The following EFR3B variants were observed in gnomAD, a reference collection of about 807,000 sequenced individuals.
The protein encoded by EFR3B is EFR3 homolog B, also known as protein EFR3 homolog B.
EFR3B carries 64 observed loss-of-function variants against 104.7 expected under a neutral mutation model. The observed-to-expected ratio is 0.61, with a 90% confidence interval of 0.50 to 0.75. The LOEUF (loss-of-function observed/expected upper bound fraction) is 0.75, where lower values mean the gene tolerates loss of function less well. Ranked by LOEUF, EFR3B falls within the 30% of genes least tolerant of loss-of-function variation. The probability of loss-of-function intolerance (pLI) is 0.00; values close to 1 mark genes in which losing one functional copy is unlikely to be tolerated. For missense variants in EFR3B, 750 were observed against 1,078.5 expected, an observed-to-expected ratio of 0.70 and a Z score of 4.27; for synonymous variants, 385 against 417.9, an observed-to-expected ratio of 0.92 and a Z score of 0.96.
intron 1 of EFR3B, among the ~76,000 whole-genome samples, chr2:25,085,508 A>C (rs1350781386): frequency 6.6e-6 from 1 of 152,156 alleles, no homozygotes; most frequent in Non-Finnish European, 1.5e-5. Flanking sequence ...TCTGTTGCCC[A>C]GGCTGGAGTG....
intron 3 of EFR3B, 61 bp from the exon 4 acceptor site, chr2:25,103,576 C>T (rs930926032): frequency 6.6e-7 from 1 of 1,517,780 alleles, no homozygotes; most frequent in African/African-American, 1.4e-5. Flanking sequence ...CCTTGCATGC[C>T]CTGGTTGGGC....
chr2:25,088,430 C>G (rs1669019981), intron 1 of EFR3B, among the ~76,000 whole-genome samples: 1 of 152,082 alleles, frequency 6.6e-6, no homozygotes, highest in African/African-American at 2.4e-5. Context: ...ACTCTTAGGC[C>G]TTTGGATGTC....
In EFR3B at chr2:25,042,496, G is replaced by C. The variant is rs1416128410; in HGVS notation, c.7+177G>C. The stretch of plus-strand genomic sequence containing the variant: ...GCGTCTGCGCTGCGAGGACAAAGAT[G>C]CCTCGGGCCGGGGACCCTGGGGTCC... On this transcript the variant is annotated intron_variant, in intron 1 of 22. Coordinates refer to ENST00000403714, the MANE Select transcript of EFR3B (RefSeq NM_014971.2). The surrounding 1 kb of genome is among the most constrained non-coding windows in gnomAD (Gnocchi z 5.4). 1.3e-5 allele frequency: 16 copies of C among 1,207,084 alleles called. No homozygotes were observed. The South Asian group carries it at 4.7e-4, about 36-fold the overall frequency. The allele number at this position is 1,207,084 out of a possible 1,614,324, so 74.8% of individuals were successfully genotyped here.
At chr2:25,089,020 CTG>C (rs543927550) in intron 1 of EFR3B, among the ~76,000 whole-genome samples, 103 of 152,274 alleles carry the variant, frequency 6.8e-4, no homozygotes, top group Non-Finnish European at 9.0e-4. Flanking sequence ...CTGGAGGCCT[CTG>C]TGCTGGGGAA....
intron 4 of EFR3B, among the ~76,000 whole-genome samples, chr2:25,108,979 C>G (rs564297361): frequency 1.3e-5 from 2 of 151,768 alleles, no homozygotes; most frequent in African/African-American, 4.8e-5. Context: ...GCACTCCAGC[C>G]TGGATGACAA....
chr2:25,144,955 C>T lies in EFR3B; in HGVS notation c.2051-5C>T, dbSNP rs1411408929. 4 of 1,551,404 alleles carry T rather than the reference C, an allele frequency of 2.6e-6. No homozygotes were observed. In the South Asian group the frequency reaches 4.8e-5, roughly 18 times the overall value. On this transcript the variant is annotated splice_polypyrimidine_tract_variant and splice_region_variant and intron_variant, in intron 18 of 22. Transcript: ENST00000403714. Reference sequence around the variant, plus strand: ...ACTAAAGCCTCTGGGCTGCTTCTTCCCCAGATGAGGATCGTTTATCCAAGA... The same window carrying T: ...ACTAAAGCCTCTGGGCTGCTTCTTCTCCAGATGAGGATCGTTTATCCAAGA...
chr2:25,141,484 A>AGCAGGT, intron 17 of EFR3B, 51 bp downstream of exon 17: 1 of 1,544,448 alleles, frequency 6.5e-7, no homozygotes, highest in Non-Finnish European at 8.7e-7. Context: ...CAGCTGAGTA[A>AGCAGGT]GCAGGTGGGT....
At chr2:25,120,190 A>T (rs545092778) in intron 4 of EFR3B, among the ~76,000 whole-genome samples, 296 of 146,346 alleles carry the variant, frequency 2.0e-3, no homozygotes, top group Non-Finnish European at 3.3e-3. Flanking sequence ...CGCTGTCTCT[A>T]CAAAAAAAAA....
intron 1 of EFR3B, among the ~76,000 whole-genome samples, chr2:25,061,531 T>C (rs1459551042): frequency 6.6e-6 from 1 of 152,060 alleles, no homozygotes; most frequent in Non-Finnish European, 1.5e-5. Flanking sequence ...TCTCCCTCTG[T>C]TGCCCAGGCT....
At chr2:25,123,701 A>G (rs1020553416) in intron 5 of EFR3B, among the ~76,000 whole-genome samples, 2 of 152,260 alleles carry the variant, frequency 1.3e-5, no homozygotes, top group Admixed American at 6.5e-5. Context: ...GACCATGGCC[A>G]CATATGTCTG....
chr2:25,124,316 G>C (rs1333792873), intron 5 of EFR3B, among the ~76,000 whole-genome samples: 2 of 144,548 alleles, frequency 1.4e-5, no homozygotes, highest in Non-Finnish European at 3.0e-5. Flanking sequence ...GTGTGTGTGT[G>C]TGTGTGTGTG....
At chr2:25,115,868 C>T (rs1264111694) in intron 4 of EFR3B, 2 of 152,250 alleles carry the variant, frequency 1.3e-5, no homozygotes, top group Non-Finnish European at 2.9e-5. Flanking sequence ...TGGGCCTGGC[C>T]TCGCCATTCC....
chr2:25,080,334 G>C (rs182316801), intron 1 of EFR3B: 38 of 572,852 alleles, frequency 6.6e-5, no homozygotes, highest in African/African-American at 2.5e-4. Flanking sequence ...TGCTCTTGTC[G>C]TCCAGGCTGG....
intron 2 of EFR3B, among the ~76,000 whole-genome samples, chr2:25,092,443 C>CACAT (rs201381425): frequency 0.35 from 52,905 of 150,652 alleles, 10,986 homozygotes; most frequent in Admixed American, 0.49. Flanking sequence ...CACACACACA[C>CACAT]GGTATATATA....
intron 20 of EFR3B, among the ~76,000 whole-genome samples, chr2:25,150,886 C>CATGT (rs1029169118): frequency 6.6e-6 from 1 of 152,060 alleles, no homozygotes; most frequent in Non-Finnish European, 1.5e-5. Context: ...GCTGGGCTTA[C>CATGT]AGGCATAACC....
At chr2:25,054,610 T>C (rs1667970233) in intron 1 of EFR3B, among the ~76,000 whole-genome samples, 1 of 152,192 alleles carries the variant, frequency 6.6e-6, no homozygotes, top group Non-Finnish European at 1.5e-5. Context: ...ACCTGACCCA[T>C]GCAAGTAATT....
intron 12 of EFR3B, among the ~76,000 whole-genome samples, chr2:25,133,898 CA>C (rs1005701666): frequency 3.3e-5 from 5 of 152,224 alleles, no homozygotes; most frequent in African/African-American, 1.2e-4. Context: ...TTGCAGCCAT[CA>C]CTGGAGTCTA....
Position 25,086,965 on chromosome 2 carries a change from C to T in EFR3B, c.8-4360C>T, listed in dbSNP as rs137977888. On this transcript the variant is annotated intron_variant, in intron 1 of 22. Transcript: ENST00000403714. ...TATTAGTCCATTCTCATGCTGTGAA[C>T]GAAGACATACCTGAGACTGCGTAAT... 5.3e-5 allele frequency among the ~76,000 whole-genome samples: 8 copies of T among 152,240 alleles called. No homozygotes were observed. The East Asian group carries it at 5.8e-4, about 11-fold the overall frequency.
intron 3 of EFR3B, among the ~76,000 whole-genome samples, chr2:25,101,918 C>CA (rs1398945932): frequency 6.6e-6 from 1 of 152,074 alleles, no homozygotes; most frequent in Non-Finnish European, 1.5e-5. Flanking sequence ...AAAACAAAAA[C>CA]AAAAAACAAA....
Sources: gnomAD v4.1 joint callset for allele counts (sites outside exome capture counted in the v4.1 genomes callset) on GRCh38, gnomAD v4.1.1 for gene constraint, Gnocchi (gnomAD v3.1) non-coding constraint, MANE v1.5 for transcripts, NCBI Gene and HGNC (gene_info 2026-07-23, HGNC 2026-07-21) for gene names.